FN3K: variants seen among roughly 807,000 people sequenced by gnomAD.
FN3K encodes fructosamine-3-kinase.
A neutral mutation model predicts 24.8 loss-of-function variants in FN3K; 24 were observed. That is an observed-to-expected ratio of 0.97 (90% CI 0.70 to 1.36). The LOEUF is 1.36. Among genes scored for constraint, FN3K ranks in the 40% most tolerant of loss-of-function variants. The pLI, the probability that FN3K is intolerant of heterozygous loss-of-function variation, is 0.00. For synonymous variants in FN3K, 192 were observed against 175.2 expected (o/e 1.10, Z -0.76); for missense variants, 449 against 416.7 (o/e 1.08, Z -0.67).
intron 1 of FN3K, among the ~76,000 whole-genome samples, chr17:82,736,928 A>C (rs1598339823): frequency 1.3e-5 from 2 of 150,896 alleles, no homozygotes; most frequent in African/African-American, 4.9e-5. Context: ...CTTCCCTCCC[A>C]CCCCCACGAG....
chr17:82,737,693 CT>C (rs1422633462), intron 1 of FN3K: 1 of 152,206 alleles, frequency 6.6e-6, no homozygotes, highest in African/African-American at 2.4e-5. Flanking sequence ...GTAATCCCAG[CT>C]ACTCAGGAGG....
At position 82,750,619 on chromosome 17, in the gene FN3K, G is replaced by A. The variant is rs560630781; in HGVS notation, c.794G>A (p.Arg265Gln). 7 of 1,614,030 alleles carry A rather than the reference G, an allele frequency of 4.3e-6. No individual in the cohort carries two copies. Among genetic ancestry groups the A allele is most frequent in the East Asian group, 4.5e-5 (2 of 44,884 alleles). The change falls in exon 6 of 6, where the codon CGG becomes CAG. Residue 265 changes from arginine (R) to glutamine (Q), a missense_variant. By Grantham distance (43) the Arg-to-Gln change is conservative. Coordinates refer to ENST00000300784, the MANE Select transcript of FN3K (RefSeq NM_022158.4). ...AGATCCTTCTTCACCGCCTACCACC[G>A]GAAGATCCCCAAGGCTCCGGGCTTC... is the stretch of plus-strand genomic sequence containing the variant. ...FPRSFFTAYH[R>Q]KIPKAPGFDQ...
chr17:82,740,830 T>C lies in FN3K; in HGVS notation c.361T>C (p.Leu121=). Residue 121 remains leucine (L), a synonymous_variant, in exon 3 of 6, where the codon TTG becomes CTG. Transcript: ENST00000300784. ...HLYNQKLREK[L]KEEENTVGRR... is the part of the protein sequence containing the mutation. ...TTACAACCAGAAGCTCAGGGAGAAG[T>C]TGAAGGAGGAGGAGAACACAGTGGG... is the stretch of plus-strand genomic sequence containing the variant. The C allele has an allele frequency of 6.2e-7, 1 of 1,613,374 alleles. No homozygotes were observed. The highest frequency in any genetic ancestry group is 2.2e-5 in the East Asian group (1 of 44,854).
intron 2 of FN3K, among the ~76,000 whole-genome samples, chr17:82,739,489 G>A (rs1168606023): frequency 7.1e-5 from 10 of 140,116 alleles, no homozygotes; most frequent in South Asian, 2.2e-4. Context: ...ACGGAGTGTC[G>A]CTCTGTCACC....
chr17:82,739,653 T>C (rs2046929739), intron 2 of FN3K, among the ~76,000 whole-genome samples: 1 of 152,038 alleles, frequency 6.6e-6, no homozygotes, highest in Admixed American at 6.6e-5. Flanking sequence ...GAGACGGGGT[T>C]TCACCATGTT....
intron 1 of FN3K, chr17:82,736,592 G>A (rs2046902993): frequency 6.6e-6 from 1 of 151,910 alleles, no homozygotes; most frequent in African/African-American, 2.4e-5. Context: ...GTTAGCTTCA[G>A]CCTTGAGAGC....
chr17:82,742,140 G>A lies in FN3K; in HGVS notation c.468+747G>A, dbSNP rs150227082. Among the ~76,000 whole-genome samples the A allele has an allele frequency of 2.5e-3, 378 of 152,254 alleles. 4 individuals are homozygous for A. Among genetic ancestry groups the A allele is most frequent in the Non-Finnish European group, 1.9e-3 (131 of 68,014 alleles). ...GGCTGGTCTCGAACTCCTGACCTCA[G>A]GTGATCTGCCCTCCTCGGCCTTCCA... is the stretch of plus-strand genomic sequence containing the variant. On this transcript the variant is annotated intron_variant, in intron 4 of 5. Transcript: ENST00000300784.
intron 2 of FN3K, among the ~76,000 whole-genome samples, chr17:82,740,420 CAAAAAAA>C (rs71369031): frequency 2.7e-5 from 2 of 73,120 alleles, no homozygotes; most frequent in Middle Eastern, 9.4e-3. Context: ...CCCATCTCTA[CAAAAAAA>C]AAAAAAAAAA....
Position 82,741,410 on chromosome 17 carries a change from G to A in FN3K, c.468+17G>A. ...ATCCCGCAGGTGAGTGCCTGGGTGA[G>A]GGTGTTCCCTGATGCCCTAATGCTG... On this transcript the variant is annotated intron_variant, in intron 4 of 5. Transcript: ENST00000300784. 1 of 1,609,824 alleles carries A rather than the reference G, an allele frequency of 6.2e-7. No individual in the cohort carries two copies. Among genetic ancestry groups the A allele is most frequent in the Non-Finnish European group, 8.5e-7 (1 of 1,177,622 alleles).
chr17:82,738,786 C>T, intron 2 of FN3K, 146 bp downstream of exon 2: 3 of 996,284 alleles, frequency 3.0e-6, no homozygotes, highest in Non-Finnish European at 4.6e-6. Flanking sequence ...CACACAACTG[C>T]CCGGTTATCA....
chr17:82,736,580 A>T (rs941971479), intron 1 of FN3K: 1 of 152,258 alleles, frequency 6.6e-6, no homozygotes, highest in Non-Finnish European at 1.5e-5. Flanking sequence ...GAAGTGGAGA[A>T]GGTTAGCTTC....
At chr17:82,741,930 G>A (rs1379521633) in intron 4 of FN3K, among the ~76,000 whole-genome samples, 6 of 151,532 alleles carry the variant, frequency 4.0e-5, no homozygotes, top group African/African-American at 1.2e-4. Flanking sequence ...TTTTTGAGAC[G>A]GCATTTTGCC....
In FN3K at chr17:82,750,979, C is replaced by T. The variant is rs2047032564; in HGVS notation, c.*224C>T. 6.3e-6 allele frequency: 1 copy of T among 159,336 alleles called. No homozygotes were observed. Among genetic ancestry groups the T allele is most frequent in the Admixed American group, 1.3e-4 (1 of 7,908 alleles). 9.9% of individuals were successfully genotyped at this position (159,336 alleles called of 1,614,324 possible). On this transcript the variant is annotated 3_prime_UTR_variant, in exon 6 of 6. Transcript: ENST00000300784. ...TGTCCCCCTGTCCACATACCAATCC[C>T]CCTGTCCCCGACCCCCCATCCCCGT...
At chr17:82,744,399 C>T (rs1156497361) in intron 4 of FN3K, among the ~76,000 whole-genome samples, 1 of 152,162 alleles carries the variant, frequency 6.6e-6, no homozygotes, top group African/African-American at 2.4e-5. Context: ...ACTGATTACC[C>T]CCAAAAGGTT....
Position 82,750,659 on chromosome 17 carries a change from G to C in FN3K, c.834G>C (p.Leu278=). Residue 278 remains leucine, a synonymous_variant, in exon 6 of 6, where the codon CTG becomes CTC. Coordinates refer to ENST00000300784, the MANE Select transcript of FN3K (RefSeq NM_022158.4). ...PKAPGFDQRL[L]LYQLFNYLNH... Reference sequence around the variant, plus strand: ...CTCCGGGCTTCGACCAGCGGCTGCTGCTCTACCAGCTGTTTAACTACCTGA... The same window carrying C: ...CTCCGGGCTTCGACCAGCGGCTGCTCCTCTACCAGCTGTTTAACTACCTGA... 1.9e-6 allele frequency: 3 copies of C among 1,613,880 alleles called. No individual in the cohort carries two copies. The highest frequency in any genetic ancestry group is 1.3e-5 in the African/African-American group (1 of 74,996).
chr17:82,747,691 G>T (rs545644919), intron 4 of FN3K, among the ~76,000 whole-genome samples: 1 of 152,314 alleles, frequency 6.6e-6, no homozygotes, highest in South Asian at 2.1e-4. Context: ...GAGCCACCAG[G>T]CCTGGCCTTC....
In FN3K at chr17:82,738,280, A is replaced by C. The variant is rs114821591; in HGVS notation, c.142-209A>C. On this transcript the variant is annotated intron_variant, in intron 1 of 5. Transcript: ENST00000300784. ...GCAGACCCCACACCCCTCACGGCCC[A>C]GGCTCAGCCTCAGCCTTGCAGCCTC... is the stretch of plus-strand genomic sequence containing the variant. 2.0e-5 allele frequency: 12 copies of C among 608,574 alleles called. No individual in the cohort carries two copies. In the South Asian group the frequency reaches 2.4e-4, roughly 12 times the overall value. The allele number at this position is 608,574 out of a possible 1,614,324, so 37.7% of individuals were successfully genotyped here. A position where few individuals can be genotyped will look rare whatever the true frequency, so the allele number is the denominator to read the frequency against.
At chr17:82,738,181 C>T in intron 1 of FN3K, 2 of 361,912 alleles carry the variant, frequency 5.5e-6, no homozygotes. Flanking sequence ...CCTTGGTTCA[C>T]TCACACCTCC....
chr17:82,744,130 A>G (rs986036659), intron 4 of FN3K, among the ~76,000 whole-genome samples: 3 of 151,904 alleles, frequency 2.0e-5, no homozygotes, highest in African/African-American at 7.3e-5. Context: ...CCTGCTCTTG[A>G]GGTGCACACA....
Sources: gnomAD v4.1 joint callset for allele counts (sites outside exome capture counted in the v4.1 genomes callset) on GRCh38, gnomAD v4.1.1 for gene constraint, MANE v1.5 for transcripts, NCBI Gene and HGNC (gene_info 2026-07-23, HGNC 2026-07-21) for gene names.